Variants in WDR20 observed in about 807,000 individuals in gnomAD.
WDR20 encodes WD repeat-containing protein 20.
WDR20 carries 3 observed loss-of-function variants against 38.7 expected under a neutral mutation model. That is an observed-to-expected ratio of 0.08 (90% confidence interval 0.04 to 0.20). The LOEUF (loss-of-function observed/expected upper bound fraction) is 0.20. WDR20 is among the 10% of genes least tolerant of loss of function. The probability of loss-of-function intolerance (pLI) is 1.00; values close to 1 mark genes in which losing one functional copy is unlikely to be tolerated. For synonymous variants in WDR20, 298 were observed against 285.6 expected (o/e 1.04, Z -0.44); for missense variants, 559 against 727.7 (o/e 0.77, Z 2.67).
At chr14:102,164,209 A>T (rs1230444466) in intron 1 of WDR20, among the ~76,000 whole-genome samples, 1 of 152,006 alleles carries the variant, frequency 6.6e-6, no homozygotes, top group Non-Finnish European at 1.5e-5. Context: ...TAGACTCATG[A>T]CACCTTTCTC....
downstream of WDR20, chr14:102,214,948 C>CT (rs2063036263): frequency 2.0e-6 from 2 of 985,038 alleles, no homozygotes; most frequent in Admixed American, 1.2e-4. Context: ...TTCTGAAGTA[C>CT]TGTGGGGCTG....
intron 1 of WDR20, among the ~76,000 whole-genome samples, chr14:102,177,150 C>G (rs1193452410): frequency 6.6e-6 from 1 of 152,212 alleles, no homozygotes; most frequent in Admixed American, 6.5e-5. Context: ...TTCAAAATCT[C>G]TCTATCATCA....
intron 2 of WDR20, among the ~76,000 whole-genome samples, chr14:102,206,501 G>A (rs1245276868): frequency 6.6e-6 from 1 of 152,196 alleles, no homozygotes; most frequent in Admixed American, 6.5e-5. Flanking sequence ...CGTGCTGCTA[G>A]AAGTTTTTAT....
At chr14:102,173,966 C>T (rs2061530116) in intron 1 of WDR20, among the ~76,000 whole-genome samples, 1 of 151,612 alleles carries the variant, frequency 6.6e-6, no homozygotes, top group African/African-American at 2.4e-5. Context: ...ATGGTGTGAA[C>T]CCGGGAGGCG....
At chr14:102,175,486 T>C (rs1047112156) in intron 1 of WDR20, among the ~76,000 whole-genome samples, 4 of 152,208 alleles carry the variant, frequency 2.6e-5, no homozygotes, top group African/African-American at 4.8e-5. Context: ...GGTAATATGA[T>C]GCCCCCAGAT....
chr14:102,176,820 G>T (rs1352119118), intron 1 of WDR20, among the ~76,000 whole-genome samples: 1 of 151,732 alleles, frequency 6.6e-6, no homozygotes, highest in Non-Finnish European at 1.5e-5. Flanking sequence ...TGCAAGCTCC[G>T]CCTCCCGGGT....
chr14:102,218,786 G>T (rs919036364), downstream of WDR20, among the ~76,000 whole-genome samples: 2 of 152,234 alleles, frequency 1.3e-5, no homozygotes, highest in Admixed American at 6.5e-5. Flanking sequence ...ACGCCGTGCA[G>T]ATTCTGCCTG....
chr14:102,214,383 G>T (rs755283566), downstream of WDR20: 141 of 985,330 alleles, frequency 1.4e-4, no homozygotes, highest in Non-Finnish European at 1.7e-4. Context: ...CCGAAGTGAA[G>T]TCTGTGGCTT....
At chr14:102,197,290 C>T (rs1264368545) in intron 2 of WDR20, among the ~76,000 whole-genome samples, 1 of 152,164 alleles carries the variant, frequency 6.6e-6, no homozygotes, top group Non-Finnish European at 1.5e-5. Context: ...CTTGCCCTTC[C>T]GGGAGCTCAC....
chr14:102,145,271 TG>T (rs2053193699), intron 1 of WDR20, among the ~76,000 whole-genome samples: 1 of 152,198 alleles, frequency 6.6e-6, no homozygotes, highest in African/African-American at 2.4e-5. Flanking sequence ...AAAAGTAACT[TG>T]GGTATTTTTT....
At chr14:102,182,472 A>G (rs964477371) in intron 1 of WDR20, among the ~76,000 whole-genome samples, 3 of 152,204 alleles carry the variant, frequency 2.0e-5, no homozygotes, top group Admixed American at 1.3e-4. Context: ...TTGGTGTGAA[A>G]CTTTATGATT....
At chr14:102,219,324 T>G (rs2063611262), downstream of WDR20, among the ~76,000 whole-genome samples, 1 of 152,224 alleles carries the variant, frequency 6.6e-6, no homozygotes, top group Non-Finnish European at 1.5e-5. Flanking sequence ...GGTGCCAAGA[T>G]GAAGGGTCCA....
downstream of WDR20, chr14:102,212,779 T>A (rs2062721261): frequency 7.4e-7 from 1 of 1,347,204 alleles, no homozygotes; most frequent in Non-Finnish European, 9.6e-7. Context: ...GGAAAATATT[T>A]GTAGTTTTCT....
chr14:102,219,132 TG>T (rs1441023258), downstream of WDR20, among the ~76,000 whole-genome samples: 3 of 152,206 alleles, frequency 2.0e-5, no homozygotes, highest in Non-Finnish European at 4.4e-5. Context: ...GATCCTTCCA[TG>T]GGGGCCTAGG....
intron 2 of WDR20, among the ~76,000 whole-genome samples, chr14:102,205,797 A>C (rs2061427508): frequency 6.6e-6 from 1 of 151,164 alleles, no homozygotes; most frequent in Admixed American, 6.6e-5. Context: ...AGGTGGATCC[A>C]AGGTCGGTTT....
intron 2 of WDR20, among the ~76,000 whole-genome samples, chr14:102,204,926 C>T (rs1023080329): frequency 5.9e-5 from 9 of 152,144 alleles, no homozygotes; most frequent in Admixed American, 5.2e-4. Context: ...AGGATGCTGT[C>T]TTTGTGCCCA....
rs58505129 is a variant in WDR20 at position 102,146,152 on chromosome 14, TTTTG to T, written c.249+6004_249+6007del. On this transcript the variant is annotated intron_variant, in intron 1 of 2. Coordinates refer to ENST00000342702, the MANE Select transcript of WDR20 (RefSeq NM_144574.4). ...CTAGGTATTTATGCTGGAAGAGTTT[TTTTG>T]TTTGTTTGTTTGTTTGTTTGTTTTT... Among the ~76,000 whole-genome samples the T allele has an allele frequency of 5.3e-4, 81 of 151,942 alleles. 1 individual carries two copies. Among genetic ancestry groups the T allele is most frequent in the South Asian group, 2.3e-3 (11 of 4,814 alleles).
downstream of WDR20, chr14:102,224,454 C>A: frequency 2.5e-6 from 1 of 397,060 alleles, no homozygotes; most frequent in South Asian, 1.9e-5. Flanking sequence ...AGCTACCAAG[C>A]AGAAGAATGT....
chr14:102,172,704 G>T (rs1181889761), intron 1 of WDR20, among the ~76,000 whole-genome samples: 1 of 141,406 alleles, frequency 7.1e-6, no homozygotes, highest in Admixed American at 6.8e-5. Context: ...GGCTGGCCTG[G>T]CGGGGGCTGA....
Sources: gnomAD v4.1 joint callset for allele counts (sites outside exome capture counted in the v4.1 genomes callset) on GRCh38, gnomAD v4.1.1 for gene constraint, MANE v1.5 for transcripts, NCBI Gene and HGNC (gene_info 2026-07-23, HGNC 2026-07-21) for gene names.